Variants in PTPRG observed in about 807,000 individuals in gnomAD.
The protein encoded by PTPRG is protein tyrosine phosphatase receptor type G, also known as receptor-type tyrosine-protein phosphatase gamma.
In PTPRG, 102 loss-of-function variants were observed where a neutral mutation model predicts 165.3. The observed-to-expected ratio is 0.62, with a 90% confidence interval of 0.53 to 0.73. The LOEUF is 0.73. PTPRG is among the 30% of genes least tolerant of loss of function. The pLI, the probability that PTPRG is intolerant of heterozygous loss-of-function variation, is 0.00. For synonymous variants in PTPRG, 675 were observed against 669.5 expected (o/e 1.01, Z -0.13); for missense variants, 1,866 against 1,861.4 (o/e 1.00, Z -0.05).
At chr3:61,984,495 C>T (rs937525495) in intron 2 of PTPRG, among the ~76,000 whole-genome samples, 8 of 152,136 alleles carry the variant, frequency 5.3e-5, no homozygotes, top group South Asian at 2.1e-4. Flanking sequence ...GCCATAGACA[C>T]GGCCTAAGTG....
intron 7 of PTPRG, among the ~76,000 whole-genome samples, chr3:62,162,235 A>C (rs542637670): frequency 4.6e-5 from 7 of 152,330 alleles, no homozygotes; most frequent in Non-Finnish European, 1.0e-4. Context: ...ATAAAAACTA[A>C]GTTGAAATGA....
rs12634516 is a variant in PTPRG at position 62,257,307 on chromosome 3, T to C, written c.2559+2092T>C. On this transcript the variant is annotated intron_variant, in intron 16 of 29. Coordinates refer to ENST00000474889, the MANE Select transcript of PTPRG (RefSeq NM_002841.4). ...ACATAAGAAGCTATTACGGCTATTT[T>C]ATAAACAGAGATAGTAACAGGCTTT... Among the ~76,000 whole-genome samples the C allele has an allele frequency of 0.015, 2,308 of 152,292 alleles. 237 individuals carry two copies. In the East Asian group the frequency reaches 0.29, roughly 19 times the overall value.
chr3:61,955,294 T>C (rs1245801501), intron 2 of PTPRG, among the ~76,000 whole-genome samples: 2 of 152,250 alleles, frequency 1.3e-5, no homozygotes, highest in Non-Finnish European at 2.9e-5. Context: ...CCACTTTTTT[T>C]TTCTCTTACG....
chr3:62,260,936 G>C (rs938758846), intron 16 of PTPRG: 1 of 152,150 alleles, frequency 6.6e-6, no homozygotes, highest in South Asian at 2.1e-4. Context: ...AAGTGAAACA[G>C]AGGCAACAGA....
intron 4 of PTPRG, among the ~76,000 whole-genome samples, chr3:62,058,415 C>A: frequency 6.6e-6 from 1 of 152,020 alleles, no homozygotes; most frequent in East Asian, 1.9e-4. Context: ...AAGTGATCTT[C>A]CCACCTCAGT....
chr3:61,927,496 G>A (rs1023334372), intron 2 of PTPRG, among the ~76,000 whole-genome samples: 1 of 152,214 alleles, frequency 6.6e-6, no homozygotes, highest in African/African-American at 2.4e-5. Context: ...GTTATATCCT[G>A]TACTATGGAA....
chr3:62,261,469 C>A (rs2148857103), intron 16 of PTPRG, among the ~76,000 whole-genome samples: 1 of 152,216 alleles, frequency 6.6e-6, no homozygotes. Flanking sequence ...CCAGTGTTTT[C>A]CAAACCATAG....
intron 8 of PTPRG, among the ~76,000 whole-genome samples, chr3:62,168,969 C>G (rs1014057270): frequency 6.6e-6 from 1 of 152,022 alleles, no homozygotes; most frequent in Admixed American, 6.6e-5. Flanking sequence ...TTCGGCCATT[C>G]GGTGGGCAGT....
chr3:61,746,193 C>T (rs1484928219), intron 1 of PTPRG, among the ~76,000 whole-genome samples: 4 of 146,222 alleles, frequency 2.7e-5, no homozygotes, highest in African/African-American at 1.0e-4. Flanking sequence ...CAGGCGTGTG[C>T]CACCACACAC....
intron 6 of PTPRG, among the ~76,000 whole-genome samples, chr3:62,147,182 C>T (rs1355195790): frequency 6.6e-6 from 1 of 152,192 alleles, no homozygotes; most frequent in Non-Finnish European, 1.5e-5. Context: ...GCCTGGCACC[C>T]AGTTTCTGAA....
chr3:61,677,622 A>G (rs1471795924), intron 1 of PTPRG, among the ~76,000 whole-genome samples: 1 of 152,190 alleles, frequency 6.6e-6, no homozygotes, highest in Non-Finnish European at 1.5e-5. Context: ...CCCATTGCTT[A>G]TGTGTCTAAA....
intron 4 of PTPRG, among the ~76,000 whole-genome samples, chr3:62,049,704 C>G (rs1700411147): frequency 6.6e-6 from 1 of 152,152 alleles, no homozygotes; most frequent in South Asian, 2.1e-4. Context: ...TGTATAATAT[C>G]TTACGAGTTG....
chr3:61,566,389 T>A (rs1407464955), intron 1 of PTPRG, among the ~76,000 whole-genome samples: 1 of 152,276 alleles, frequency 6.6e-6, no homozygotes, highest in East Asian at 1.9e-4. Flanking sequence ...GAATCAGTTA[T>A]ACACCTGTGT....
intron 2 of PTPRG, among the ~76,000 whole-genome samples, chr3:61,981,406 C>T (rs2107679174): frequency 6.6e-6 from 1 of 152,194 alleles, no homozygotes; most frequent in East Asian, 1.9e-4. Context: ...GATTCAATCT[C>T]TTGTCAAGGA....
intron 5 of PTPRG, among the ~76,000 whole-genome samples, chr3:62,104,637 C>T (rs188382604): frequency 9.9e-5 from 15 of 152,272 alleles, no homozygotes; most frequent in Non-Finnish European, 1.8e-4. Flanking sequence ...GTGTTTACGC[C>T]AGTTGAGGAC....
At chr3:62,248,082 CTG>C (rs879525977) in intron 15 of PTPRG, among the ~76,000 whole-genome samples, 15 of 152,116 alleles carry the variant, frequency 9.9e-5, no homozygotes, top group Admixed American at 2.6e-4. Flanking sequence ...TAGACAGAGA[CTG>C]TGAATATATA....
chr3:62,004,885 A>G (rs1219602219), intron 4 of PTPRG, among the ~76,000 whole-genome samples: 1 of 151,788 alleles, frequency 6.6e-6, no homozygotes, highest in Non-Finnish European at 1.5e-5. Context: ...CCCCCTTCAC[A>G]AAGAAGACAC....
At chr3:61,825,481 G>T (rs1407536566) in intron 2 of PTPRG, among the ~76,000 whole-genome samples, 1 of 152,170 alleles carries the variant, frequency 6.6e-6, no homozygotes, top group Non-Finnish European at 1.5e-5. Context: ...TGTTTTGATG[G>T]TTTTACAATG....
chr3:61,861,675 G>A (rs997814236), intron 2 of PTPRG, among the ~76,000 whole-genome samples: 3 of 152,146 alleles, frequency 2.0e-5, no homozygotes, highest in African/African-American at 7.2e-5. Flanking sequence ...GGCCTAGAGT[G>A]GTGTTAATTA....
Sources: gnomAD v4.1 joint callset for allele counts (sites outside exome capture counted in the v4.1 genomes callset) on GRCh38, gnomAD v4.1.1 for gene constraint, MANE v1.5 for transcripts, NCBI Gene and HGNC (gene_info 2026-07-23, HGNC 2026-07-21) for gene names.